Variants in BRINP1 observed in about 807,000 individuals in gnomAD.
The protein encoded by BRINP1 is BMP/retinoic acid-inducible neural-specific protein 1.
In BRINP1, 17 loss-of-function variants were observed where a neutral mutation model predicts 72.9. The ratio of observed to expected loss-of-function variants is 0.23; its 90% CI spans 0.16 to 0.35. The LOEUF (loss-of-function observed/expected upper bound fraction) is 0.35, where lower values mean the gene tolerates loss of function less well. Ranked by LOEUF, BRINP1 falls within the 10% of genes least tolerant of loss-of-function variation. The pLI is 1.00. For synonymous variants in BRINP1, 418 were observed against 378.5 expected, an observed-to-expected ratio of 1.10 and a Z score of -1.21; for missense variants, 850 against 1,001.6, an observed-to-expected ratio of 0.85 and a Z score of 2.04.
chr9:119,248,907 C>T (rs1335481110), intron 3 of BRINP1, 53 bp downstream of exon 3: 3 of 1,510,072 alleles, frequency 2.0e-6, no homozygotes, highest in Non-Finnish European at 2.7e-6. Context: ...TCTCCCTTCC[C>T]ATCCCAAACC....
chr9:119,169,853 AC>A (rs1157562765), intron 7 of BRINP1, among the ~76,000 whole-genome samples: 3 of 152,068 alleles, frequency 2.0e-5, no homozygotes, highest in Non-Finnish European at 4.4e-5. Flanking sequence ...ACTGGGAGGC[AC>A]CCCGCCAGCA....
Position 119,282,778 on chromosome 9 carries a change from C to T in BRINP1, c.218+30360G>A, listed in dbSNP as rs868608737. 21 of 984,330 alleles carry T rather than the reference C, an allele frequency of 2.1e-5. No homozygotes were observed. In the Middle Eastern group the frequency reaches 3.7e-3, roughly 172 times the overall value. The allele number at this position is 984,330 out of a possible 1,614,324, so 61.0% of individuals were successfully genotyped here. ...TCAAAAACCCCAAATTTAATTTTGC[C>T]CAGAAATAATGTTTTTCATGTTGAG... On this transcript the variant is annotated intron_variant, in intron 2 of 7. Coordinates refer to ENST00000265922, the MANE Select transcript of BRINP1 (RefSeq NM_014618.3).
At chr9:119,309,098 A>C (rs1022427267) in intron 2 of BRINP1, among the ~76,000 whole-genome samples, 2 of 152,206 alleles carry the variant, frequency 1.3e-5, no homozygotes, top group Non-Finnish European at 2.9e-5. Context: ...CCAACATCTG[A>C]AGTGGAAGAG....
chr9:119,237,346 C>CATTATTATTGTT (rs1830201484), intron 5 of BRINP1, among the ~76,000 whole-genome samples: 1 of 145,044 alleles, frequency 6.9e-6, no homozygotes, highest in Non-Finnish European at 1.5e-5. Flanking sequence ...TTTCTTGCTA[C>CATTATTATTGTT]ATTATTATTA....
At chr9:119,352,184 G>A (rs1451486730) in intron 1 of BRINP1, among the ~76,000 whole-genome samples, 3 of 152,176 alleles carry the variant, frequency 2.0e-5, no homozygotes, top group African/African-American at 7.2e-5. Flanking sequence ...CTTTTATAAT[G>A]TGCAGAAGCT....
intron 7 of BRINP1, among the ~76,000 whole-genome samples, chr9:119,207,275 C>T (rs981583858): frequency 5.3e-5 from 8 of 152,068 alleles, no homozygotes; most frequent in Non-Finnish European, 7.4e-5. Context: ...AGAAGACTGC[C>T]GTTGTTAAAT....
chr9:119,253,918 G>C (rs1830419518), intron 2 of BRINP1, among the ~76,000 whole-genome samples: 1 of 152,144 alleles, frequency 6.6e-6, no homozygotes, highest in African/African-American at 2.4e-5. Flanking sequence ...CAGGCTAAAA[G>C]CATTTTGAAG....
intron 1 of BRINP1, among the ~76,000 whole-genome samples, chr9:119,336,358 AT>A (rs1363519881): frequency 6.6e-6 from 1 of 152,126 alleles, no homozygotes; most frequent in Non-Finnish European, 1.5e-5. Context: ...ACGTTGATTT[AT>A]TTTTGGTGGG....
chr9:119,341,603 G>C (rs1325365463), intron 1 of BRINP1, among the ~76,000 whole-genome samples: 4 of 152,200 alleles, frequency 2.6e-5, no homozygotes, highest in Admixed American at 2.6e-4. Flanking sequence ...GGTGATGCCA[G>C]ATGATTTTGC....
At position 119,175,185 on chromosome 9, in the gene BRINP1, C is replaced by T. The variant is rs866790015; in HGVS notation, c.1146-6961G>A. The stretch of plus-strand genomic sequence containing the variant: ...ATATACACCACGGAATACTATGCAT[C>T]CATAAAAAAGGATGAGTTCATGTCC... On this transcript the variant is annotated intron_variant, in intron 7 of 7. Coordinates refer to ENST00000265922, the MANE Select transcript of BRINP1 (RefSeq NM_014618.3). Among the ~76,000 whole-genome samples, 37 of 150,348 alleles carry T rather than the reference C, an allele frequency of 2.5e-4. No individual in the cohort carries two copies. In the Middle Eastern group the frequency reaches 0.014, roughly 57 times the overall value.
At chr9:119,246,754 G>A (rs1830323121) in intron 3 of BRINP1, among the ~76,000 whole-genome samples, 1 of 152,090 alleles carries the variant, frequency 6.6e-6, no homozygotes, top group South Asian at 2.1e-4. Flanking sequence ...TAAAAAACAT[G>A]TTTTCCATAA....
intron 1 of BRINP1, among the ~76,000 whole-genome samples, chr9:119,325,643 T>C (rs1047933570): frequency 6.6e-6 from 1 of 152,238 alleles, no homozygotes; most frequent in African/African-American, 2.4e-5. Context: ...CACAACCATC[T>C]TCCTACTGGT....
chr9:119,169,720 T>A (rs1392115321), intron 7 of BRINP1, among the ~76,000 whole-genome samples: 13 of 152,218 alleles, frequency 8.5e-5, no homozygotes, highest in Admixed American at 8.5e-4. Flanking sequence ...TCTGCAGACT[T>A]AAATGTTCCT....
chr9:119,191,057 C>T (rs931321694), intron 7 of BRINP1, among the ~76,000 whole-genome samples: 3 of 151,808 alleles, frequency 2.0e-5, no homozygotes, highest in Non-Finnish European at 4.4e-5. Context: ...TCAATTGATA[C>T]AGAAAAAAGT....
intron 2 of BRINP1, among the ~76,000 whole-genome samples, chr9:119,254,794 T>C (rs144444755): frequency 6.6e-6 from 1 of 152,322 alleles, no homozygotes; most frequent in African/African-American, 2.4e-5. Flanking sequence ...GAAACAGTCA[T>C]AGACAATACA....
chr9:119,267,374 C>G (rs1037314935), intron 2 of BRINP1, among the ~76,000 whole-genome samples: 2 of 152,204 alleles, frequency 1.3e-5, no homozygotes, highest in Admixed American at 1.3e-4. Context: ...GTGGCTCACA[C>G]CTGAAATCCC....
chr9:119,256,240 A>G (rs1830447330), intron 2 of BRINP1, among the ~76,000 whole-genome samples: 1 of 152,238 alleles, frequency 6.6e-6, no homozygotes, highest in Non-Finnish European at 1.5e-5. Flanking sequence ...TCAATAAAAT[A>G]TTAAAGTTAT....
At chr9:119,277,347 G>A (rs1354221681) in intron 2 of BRINP1, among the ~76,000 whole-genome samples, 3 of 152,162 alleles carry the variant, frequency 2.0e-5, no homozygotes, top group Non-Finnish European at 4.4e-5. Context: ...CCAGGCATTG[G>A]TTGGTCAAAG....
At chr9:119,297,235 A>C (rs953172046) in intron 2 of BRINP1, among the ~76,000 whole-genome samples, 2 of 152,208 alleles carry the variant, frequency 1.3e-5, no homozygotes, top group African/African-American at 2.4e-5. Flanking sequence ...CAAAACATGA[A>C]TATTATAGAG....
Sources: gnomAD v4.1 joint callset for allele counts (sites outside exome capture counted in the v4.1 genomes callset) on GRCh38, gnomAD v4.1.1 for gene constraint, MANE v1.5 for transcripts, NCBI Gene and HGNC (gene_info 2026-07-23, HGNC 2026-07-21) for gene names.